The following ITGB3BP variants were observed in gnomAD, a reference collection of about 807,000 sequenced individuals.
ITGB3BP encodes the protein centromere protein R.
Under a neutral mutation model 29.1 loss-of-function variants are expected in ITGB3BP, and 27 were observed. That is an observed-to-expected ratio of 0.93 (90% CI 0.68 to 1.28). ITGB3BP has a LOEUF of 1.28. ITGB3BP is among the 50% of genes most tolerant of loss of function. The probability of loss-of-function intolerance (pLI) is 0.00; values close to 1 mark genes in which losing one functional copy is unlikely to be tolerated. For missense variants in ITGB3BP, 192 were observed against 200.2 expected (o/e 0.96, Z 0.25); for synonymous variants, 61 against 61.4 (o/e 0.99, Z 0.03).
At chr1:63,446,548 A>C in intron 8 of ITGB3BP, 1 of 445,690 alleles carries the variant, frequency 2.2e-6, no homozygotes, top group Non-Finnish European at 4.1e-6. Flanking sequence ...TCAGTTAAAA[A>C]TGTGTCCTCT....
chr1:63,500,752 T>C (rs1645907371), intron 2 of ITGB3BP, among the ~76,000 whole-genome samples: 1 of 151,994 alleles, frequency 6.6e-6, no homozygotes, highest in Non-Finnish European at 1.5e-5. Context: ...AAAATTCCAA[T>C]GCCTTTTTTT....
intron 3 of ITGB3BP, among the ~76,000 whole-genome samples, chr1:63,488,376 G>T (rs12730416): frequency 0.13 from 20,309 of 151,834 alleles, 1,516 homozygotes; most frequent in Middle Eastern, 0.25. Context: ...TCATGATAAG[G>T]GTTTTGGATC....
upstream of ITGB3BP, chr1:63,525,578 G>T (rs753669083): frequency 1.3e-6 from 2 of 1,491,984 alleles, no homozygotes; most frequent in Non-Finnish European, 1.8e-6. Flanking sequence ...ATAGAATGGC[G>T]ATCAGTCCAC....
At chr1:63,513,498 T>A (rs1646245700) in intron 1 of ITGB3BP, among the ~76,000 whole-genome samples, 1 of 152,156 alleles carries the variant, frequency 6.6e-6, no homozygotes, top group Non-Finnish European at 1.5e-5. Context: ...TTTTCTCCAA[T>A]GAGACCTAGC....
upstream of ITGB3BP, among the ~76,000 whole-genome samples, chr1:63,524,897 C>G (rs1276458544): frequency 6.6e-6 from 1 of 151,982 alleles, no homozygotes; most frequent in East Asian, 1.9e-4. Context: ...TATACAAACC[C>G]CAAATATTGT....
chr1:63,467,129 C>T (rs984480972), intron 4 of ITGB3BP, among the ~76,000 whole-genome samples: 2 of 152,044 alleles, frequency 1.3e-5, no homozygotes, highest in Non-Finnish European at 2.9e-5. Context: ...GTGATCCTCC[C>T]TCCTTGGCCT....
At chr1:63,516,367 G>GC (rs1646325886) in intron 1 of ITGB3BP, among the ~76,000 whole-genome samples, 1 of 33,468 alleles carries the variant, frequency 3.0e-5, no homozygotes, top group Admixed American at 3.2e-4. Context: ...TGGGGGAGAA[G>GC]GGGGGGGGAA....
Position 63,484,384 on chromosome 1 carries a change from T to C in ITGB3BP, c.185-5551A>G, listed in dbSNP as rs555079719. 5.3e-5 allele frequency among the ~76,000 whole-genome samples: 8 copies of C among 152,224 alleles called. No homozygotes were observed. The South Asian group carries it at 1.7e-3, about 32-fold the overall frequency. The stretch of plus-strand genomic sequence containing the variant: ...ATAGGAAGGGACGACTGTATAAAGC[T>C]TCCACCAAGAACTGCTTTAGTATAA... On this transcript the variant is annotated intron_variant, in intron 3 of 8. Coordinates refer to ENST00000271002, the MANE Select transcript of ITGB3BP (RefSeq NM_014288.5).
chr1:63,525,445 A>T, upstream of ITGB3BP: 1 of 685,634 alleles, frequency 1.5e-6, no homozygotes, highest in Non-Finnish European at 2.3e-6. Flanking sequence ...TGATCTTTTC[A>T]TATATGTTAT....
chr1:63,502,985 T>C (rs1287160504), intron 2 of ITGB3BP, among the ~76,000 whole-genome samples: 1 of 152,206 alleles, frequency 6.6e-6, no homozygotes, highest in African/African-American at 2.4e-5. Context: ...CGTGTGCATG[T>C]GTCTTTATAG....
At chr1:63,469,514 C>T (rs927386584) in intron 4 of ITGB3BP, among the ~76,000 whole-genome samples, 1 of 152,020 alleles carries the variant, frequency 6.6e-6, no homozygotes, top group African/African-American at 2.4e-5. Flanking sequence ...TTACTAGAGA[C>T]GGGGTTTCTC....
At chr1:63,514,961 A>G (rs1025482677) in intron 1 of ITGB3BP, among the ~76,000 whole-genome samples, 7 of 144,740 alleles carry the variant, frequency 4.8e-5, no homozygotes, top group African/African-American at 1.0e-4. Context: ...AAAAAAAAAA[A>G]AAAGAAAAAC....
intron 4 of ITGB3BP, among the ~76,000 whole-genome samples, chr1:63,465,479 A>G (rs532641715): frequency 6.6e-6 from 1 of 151,044 alleles, no homozygotes; most frequent in Non-Finnish European, 1.5e-5. Context: ...CTAGAGTGCA[A>G]TCTGCTGCGC....
intron 7 of ITGB3BP, among the ~76,000 whole-genome samples, chr1:63,448,691 A>G (rs1448239372): frequency 1.3e-5 from 2 of 152,134 alleles, no homozygotes; most frequent in African/African-American, 2.4e-5. Context: ...CACAAAACCA[A>G]TTTCTACTAA....
upstream of ITGB3BP, among the ~76,000 whole-genome samples, chr1:63,526,874 C>T (rs577925319): frequency 9.9e-5 from 15 of 152,180 alleles, 1 homozygote; most frequent in South Asian, 3.1e-3. Context: ...CAGCGATTCT[C>T]CTGCCTCAGC....
chr1:63,488,119 G>C (rs1047566390), intron 3 of ITGB3BP, among the ~76,000 whole-genome samples: 1 of 152,044 alleles, frequency 6.6e-6, no homozygotes, highest in Non-Finnish European at 1.5e-5. Context: ...ACTACAAATG[G>C]ATTTAAATAT....
intron 4 of ITGB3BP, among the ~76,000 whole-genome samples, chr1:63,473,504 C>G (rs1174603075): frequency 6.9e-6 from 1 of 145,024 alleles, no homozygotes; most frequent in African/African-American, 2.5e-5. Context: ...GGCCAGCCGC[C>G]CAGTCCGGGA....
chr1:63,508,647 T>C (rs554647540), intron 1 of ITGB3BP, 77 bp from the exon 2 acceptor site: 39 of 641,734 alleles, frequency 6.1e-5, no homozygotes, highest in African/African-American at 4.0e-4. Context: ...AGGGAAGATA[T>C]ATAAACAAAG....
chr1:63,524,192 T>C (rs983616873), upstream of ITGB3BP, among the ~76,000 whole-genome samples: 6 of 152,250 alleles, frequency 3.9e-5, no homozygotes, highest in African/African-American at 1.4e-4. Flanking sequence ...AATATACTTA[T>C]ATTTTAAAAT....
Sources: gnomAD v4.1 joint callset for allele counts (sites outside exome capture counted in the v4.1 genomes callset) on GRCh38, gnomAD v4.1.1 for gene constraint, MANE v1.5 for transcripts, NCBI Gene and HGNC (gene_info 2026-07-23, HGNC 2026-07-21) for gene names.